Variants in PRKG1 observed in about 807,000 individuals in gnomAD.
PRKG1 encodes the protein cGMP-dependent protein kinase 1.
PRKG1 carries 35 observed loss-of-function variants against 88.1 expected under a neutral mutation model. The ratio of observed to expected loss-of-function variants is 0.40; its 90% CI spans 0.30 to 0.53. The LOEUF is 0.53. Ranked by LOEUF, PRKG1 falls within the 20% of genes least tolerant of loss-of-function variation. PRKG1 has a pLI of 0.59. For synonymous variants in PRKG1, 303 were observed against 292.5 expected (o/e 1.04, Z -0.37); for missense variants, 540 against 839.8 (o/e 0.64, Z 4.41).
intron 2 of PRKG1, among the ~76,000 whole-genome samples, chr10:51,462,314 C>T (rs1235220136): frequency 1.3e-5 from 2 of 152,092 alleles, no homozygotes; most frequent in Non-Finnish European, 2.9e-5. Context: ...TCTATTTCTG[C>T]CTGCCAGTAA....
intron 2 of PRKG1, among the ~76,000 whole-genome samples, chr10:51,199,644 G>T (rs1318397641): frequency 6.6e-6 from 1 of 152,184 alleles, no homozygotes; most frequent in African/African-American, 2.4e-5. Flanking sequence ...ATAGATAAGA[G>T]GAAGTTGAAA....
intron 3 of PRKG1, among the ~76,000 whole-genome samples, chr10:51,762,563 T>C (rs1838047040): frequency 6.6e-6 from 1 of 152,232 alleles, no homozygotes; most frequent in Admixed American, 6.5e-5. Context: ...TAGCCATGAA[T>C]GCTTACTATT....
intron 9 of PRKG1, among the ~76,000 whole-genome samples, chr10:52,220,424 T>G (rs1464338881): frequency 6.6e-6 from 1 of 151,936 alleles, no homozygotes; most frequent in Admixed American, 6.6e-5. Context: ...TATATATATA[T>G]ATATATGTAA....
intron 3 of PRKG1, among the ~76,000 whole-genome samples, chr10:51,765,772 A>C (rs928659330): frequency 7.7e-6 from 1 of 129,666 alleles, no homozygotes; most frequent in African/African-American, 3.0e-5. Flanking sequence ...TGTCCATATC[A>C]TTCAAGTCTG....
chr10:51,216,795 CA>C (rs1194428787), intron 2 of PRKG1, among the ~76,000 whole-genome samples: 2 of 152,084 alleles, frequency 1.3e-5, no homozygotes, highest in Non-Finnish European at 2.9e-5. Context: ...TCAGCTAATT[CA>C]GCATTGATTT....
chr10:51,781,567 C>A (rs530973227), intron 3 of PRKG1, among the ~76,000 whole-genome samples: 52 of 152,216 alleles, frequency 3.4e-4, no homozygotes, highest in African/African-American at 1.2e-3. Context: ...TCTGAAAAAT[C>A]TTTTTATACT....
chr10:52,257,175 G>T (rs1841328287), intron 10 of PRKG1, among the ~76,000 whole-genome samples: 1 of 139,234 alleles, frequency 7.2e-6, no homozygotes, highest in Non-Finnish European at 1.6e-5. Flanking sequence ...AAAAGAAAAT[G>T]TGGTAGTCGC....
intron 9 of PRKG1, among the ~76,000 whole-genome samples, chr10:52,209,395 CA>C (rs1213910356): frequency 3.3e-5 from 5 of 152,092 alleles, no homozygotes; most frequent in Non-Finnish European, 7.4e-5. Flanking sequence ...TCATTCTTAG[CA>C]AACTGGCCAC....
chr10:51,117,047 A>G (rs570546160), intron 1 of PRKG1, among the ~76,000 whole-genome samples: 12 of 152,308 alleles, frequency 7.9e-5, no homozygotes, highest in Non-Finnish European at 1.3e-4. Flanking sequence ...TAACCTGTAC[A>G]TGACCATTTG....
At chr10:51,101,132 C>A (rs1278693436) in intron 1 of PRKG1, among the ~76,000 whole-genome samples, 1 of 152,084 alleles carries the variant, frequency 6.6e-6, no homozygotes, top group South Asian at 2.1e-4. Flanking sequence ...CCTTAATCCT[C>A]GAACCTCTCC....
intron 3 of PRKG1, among the ~76,000 whole-genome samples, chr10:51,750,640 C>T (rs1268286193): frequency 6.6e-6 from 1 of 152,130 alleles, no homozygotes; most frequent in Non-Finnish European, 1.5e-5. Flanking sequence ...ATCTCCATAG[C>T]TTAGAGTCAA....
intron 3 of PRKG1, among the ~76,000 whole-genome samples, chr10:51,636,175 A>C (rs1369645634): frequency 6.6e-6 from 1 of 152,182 alleles, no homozygotes; most frequent in Non-Finnish European, 1.5e-5. Flanking sequence ...AAGAGTTTGC[A>C]TATCCGCTTT....
intron 4 of PRKG1, among the ~76,000 whole-genome samples, chr10:51,899,694 T>TATATATATATATATATATAC (rs1165503542): frequency 4.2e-5 from 6 of 142,792 alleles, no homozygotes; most frequent in Admixed American, 2.8e-4. Flanking sequence ...TATATATATA[T>TATATATATATATATATATAC]ACAAATTTCT....
At chr10:51,693,875 G>A (rs1841213724) in intron 3 of PRKG1, among the ~76,000 whole-genome samples, 1 of 151,902 alleles carries the variant, frequency 6.6e-6, no homozygotes, top group South Asian at 2.1e-4. Flanking sequence ...GTTTCAGGGT[G>A]CATAAAAACA....
chr10:51,059,205 T>G (rs1395146255), intron 1 of PRKG1, among the ~76,000 whole-genome samples: 3 of 152,162 alleles, frequency 2.0e-5, no homozygotes, highest in Non-Finnish European at 2.9e-5. Context: ...ATTTCAGTGG[T>G]CAGACCTCAA....
chr10:51,689,988 G>T (rs1323505566), intron 3 of PRKG1, among the ~76,000 whole-genome samples: 1 of 152,206 alleles, frequency 6.6e-6, no homozygotes, highest in South Asian at 2.1e-4. Flanking sequence ...ATAAAGAAAA[G>T]AGGTTTAATT....
chr10:52,073,302 G>A (rs1182143634), intron 7 of PRKG1, among the ~76,000 whole-genome samples: 1 of 152,126 alleles, frequency 6.6e-6, no homozygotes, highest in Non-Finnish European at 1.5e-5. Flanking sequence ...ACATTCACAG[G>A]TTTGAGGGCT....
At chr10:51,095,535 T>A (rs772722456) in intron 1 of PRKG1, among the ~76,000 whole-genome samples, 5 of 152,162 alleles carry the variant, frequency 3.3e-5, no homozygotes, top group Non-Finnish European at 7.3e-5. Flanking sequence ...CAATCTTATT[T>A]TTGCCTTATT....
chr10:51,335,065 G>T (rs548318998), intron 2 of PRKG1, among the ~76,000 whole-genome samples: 2 of 133,458 alleles, frequency 1.5e-5, no homozygotes, highest in Non-Finnish European at 3.1e-5. Flanking sequence ...GAGTTGGAGT[G>T]CAGTGGCCCT....
Sources: allele counts gnomAD v4.1 joint callset (sites outside exome capture counted in the v4.1 genomes callset), GRCh38; gene constraint gnomAD v4.1.1; transcripts MANE v1.5; gene names NCBI Gene and HGNC (gene_info 2026-07-23, HGNC 2026-07-21).